Variants in APMAP observed in about 807,000 individuals in gnomAD.
APMAP encodes adipocyte plasma membrane associated protein.
Under a neutral mutation model 43.6 loss-of-function variants are expected in APMAP, and 33 were observed. That is an observed-to-expected ratio of 0.76 (90% confidence interval 0.57 to 1.01). APMAP has a LOEUF of 1.01. APMAP is among the 50% of genes least tolerant of loss of function. APMAP has a pLI of 0.00. For synonymous variants in APMAP, 224 were observed against 216.7 expected, an observed-to-expected ratio of 1.03 and a Z score of -0.30; for missense variants, 498 against 540.7, an observed-to-expected ratio of 0.92 and a Z score of 0.78.
In APMAP at chr20:24,978,839, T is replaced by C. The variant is rs577201722; in HGVS notation, c.256A>G (p.Thr86Ala). The change falls in exon 3 of 9, where the codon ACG becomes GCG. Residue 86 changes from threonine (T) to alanine (A), a missense_variant. Transcript: ENST00000217456. ...PLLLGVLHPN[T>A]KLRQAERLFE... is the part of the protein sequence containing the mutation. ...AGCCTTTCTGCCTGTCGCAGCTTCG[T>C]ATTTGGATGCAGAACACCAAGCAAG... 7 of 1,611,362 alleles carry C rather than the reference T, an allele frequency of 4.3e-6. 1 individual carries two copies. The African/African-American group carries it at 8.0e-5, about 18-fold the overall frequency.
At position 24,963,180 on chromosome 20, in the gene APMAP, A is replaced by C. The variant is rs1185939395; in HGVS notation, c.*633T>G. The C allele has an allele frequency of 6.5e-6, 1 of 152,752 alleles. No homozygotes were observed. Among genetic ancestry groups the C allele is most frequent in the African/African-American group, 2.4e-5 (1 of 41,440 alleles). The allele number at this position is 152,752 out of a possible 1,614,324, so 9.5% of individuals were successfully genotyped here. ...CAATTCCAGCATGGTCAGCACGGAG[A>C]TATTCACAGAAAGAAACCCAGCAAA... is the stretch of plus-strand genomic sequence containing the variant. On this transcript the variant is annotated 3_prime_UTR_variant, in exon 9 of 9. Coordinates refer to ENST00000217456, the MANE Select transcript of APMAP (RefSeq NM_020531.3).
intron 1 of APMAP, 67 bp from the exon 2 acceptor site, chr20:24,984,086 G>A (rs727964): frequency 0.094 from 124,366 of 1,322,286 alleles, 6,430 homozygotes; most frequent in Non-Finnish European, 0.1. Context: ...TGGCTGGTCC[G>A]AAAGCCCTCC....
rs748919078 is a variant in APMAP at position 24,970,339 on chromosome 20, G to C, written c.571C>G (p.Pro191Ala). 1 of 1,613,588 alleles carries C rather than the reference G, an allele frequency of 6.2e-7. No homozygotes were observed. Among genetic ancestry groups the C allele is most frequent in the South Asian group, 1.1e-5 (1 of 91,040 alleles). ...EVKLLLSSET[P>A]IEGKNMSFVN... ...AAGGACATGTTCTTCCCCTCAATGG[G>C]TGTCTCGGAGGACAGCAGCAGTTTC... Residue 191 changes from proline to alanine, a missense_variant, in exon 6 of 9, where the codon CCC (proline) becomes GCC (alanine). Transcript: ENST00000217456.
chr20:24,972,651 G>A, intron 4 of APMAP, among the ~76,000 whole-genome samples: 1 of 150,856 alleles, frequency 6.6e-6, no homozygotes, highest in Non-Finnish European at 1.5e-5. Flanking sequence ...CTCACTACAG[G>A]TGCTTTTGTG....
Position 24,963,559 on chromosome 20 carries a change from G to T in APMAP, c.*254C>A. Reference sequence around the variant, plus strand: ...ACTTAGAAAGTTTTGTTTTGTTTAAGAGAAAATGGCTTTACATGAATTTAT... The same window carrying T: ...ACTTAGAAAGTTTTGTTTTGTTTAATAGAAAATGGCTTTACATGAATTTAT... On this transcript the variant is annotated 3_prime_UTR_variant, in exon 9 of 9. Coordinates refer to ENST00000217456, the MANE Select transcript of APMAP (RefSeq NM_020531.3). The T allele has an allele frequency of 1.9e-6, 1 of 521,438 alleles. No homozygotes were observed. Among genetic ancestry groups the T allele is most frequent in the Non-Finnish European group, 3.4e-6 (1 of 290,314 alleles). 32.3% of individuals were successfully genotyped at this position (521,438 alleles called of 1,614,324 possible). A position where few individuals can be genotyped will look rare whatever the true frequency, so the allele number is the denominator to read the frequency against.
rs111800733 is a variant in APMAP, at chr20:24,978,679, C to T, written c.328+88G>A. The T allele has an allele frequency of 1.2e-3, 1,209 of 1,048,524 alleles. 18 individuals carry two copies. In the African/African-American group the frequency reaches 0.018, roughly 16 times the overall value. 65.0% of individuals were successfully genotyped at this position (1,048,524 alleles called of 1,614,324 possible). On this transcript the variant is annotated intron_variant, in intron 3 of 8. Transcript: ENST00000217456. ...GTGCAGGGCCCCAGTCCAGGGGCAG[C>T]GTGCCACTGCAGCTGCTCCCACAGA... is the stretch of plus-strand genomic sequence containing the variant.
chr20:24,992,727 A>G lies in APMAP; in HGVS notation c.-39T>C, dbSNP rs11087492. On this transcript the variant is annotated 5_prime_UTR_variant, in exon 1 of 9. Transcript: ENST00000217456. ...GCCTCACCCGCAGAAACCACCTCACACTGAGCGGCGCCGGCTCAGACTCCA... is the reference window on the plus strand; with the variant it reads ...GCCTCACCCGCAGAAACCACCTCACGCTGAGCGGCGCCGGCTCAGACTCCA... The G allele has an allele frequency of 0.096, 137,627 of 1,428,736 alleles. 7,137 individuals are homozygous for G. Among genetic ancestry groups the G allele is most frequent in the Non-Finnish European group, 0.1 (112,390 of 1,075,934 alleles). 88.5% of individuals were successfully genotyped at this position (1,428,736 alleles called of 1,614,324 possible).
chr20:24,967,453 A>G (rs1219116226), intron 8 of APMAP, among the ~76,000 whole-genome samples: 1 of 152,058 alleles, frequency 6.6e-6, no homozygotes, highest in Non-Finnish European at 1.5e-5. Flanking sequence ...CCCCCTCCCT[A>G]ACTGTGCCCT....
chr20:24,968,480 C>T (rs931846018), intron 8 of APMAP, among the ~76,000 whole-genome samples: 1 of 152,020 alleles, frequency 6.6e-6, no homozygotes, highest in Non-Finnish European at 1.5e-5. Context: ...GGGCACCTGC[C>T]GACTCTTTCC....
At position 24,971,451 on chromosome 20, in the gene APMAP, G is replaced by T. The variant is rs1043827881; in HGVS notation, c.538+9C>A. 2 of 1,600,920 alleles carry T rather than the reference G, an allele frequency of 1.2e-6. No individual in the cohort carries two copies. On this transcript the variant is annotated intron_variant, in intron 5 of 8. Coordinates refer to ENST00000217456, the MANE Select transcript of APMAP (RefSeq NM_020531.3). ...TCTTCATAGAAGGAAACGAGATATT[G>T]TCACATACGTTTCCAGGGATTTACT...
intron 3 of APMAP, among the ~76,000 whole-genome samples, chr20:24,974,855 G>A (rs1211183841): frequency 6.6e-6 from 1 of 152,178 alleles, no homozygotes; most frequent in Middle Eastern, 3.2e-3. Flanking sequence ...GGCAAAAACT[G>A]ATGAAACTGC....
intron 2 of APMAP, among the ~76,000 whole-genome samples, chr20:24,981,444 T>A (rs1285340412): frequency 6.6e-6 from 1 of 152,244 alleles, no homozygotes; most frequent in East Asian, 1.9e-4. Flanking sequence ...TAAGCACTTC[T>A]GAGAACCAGC....
chr20:24,979,669 C>CTA (rs1470959486), intron 2 of APMAP, among the ~76,000 whole-genome samples: 1 of 152,090 alleles, frequency 6.6e-6, no homozygotes, highest in East Asian at 1.9e-4. Context: ...CCCCTGTAGT[C>CTA]TATTCTCAAT....
chr20:24,965,425 C>T (rs1197349760), intron 8 of APMAP, among the ~76,000 whole-genome samples: 3 of 152,260 alleles, frequency 2.0e-5, no homozygotes. Flanking sequence ...CTAAACAACT[C>T]CATCAGGAGC....
chr20:24,969,419 G>A (rs2087978103), intron 7 of APMAP, 107 bp downstream of exon 7: 1 of 1,455,080 alleles, frequency 6.9e-7, no homozygotes, highest in African/African-American at 1.4e-5. Context: ...CATGCAGAAG[G>A]TGCGCTGCTG....
At chr20:24,967,703 A>T (rs573449527) in intron 8 of APMAP, among the ~76,000 whole-genome samples, 3 of 152,318 alleles carry the variant, frequency 2.0e-5, no homozygotes, top group Admixed American at 2.0e-4. Flanking sequence ...CACTTTACAG[A>T]CAGAGCACCT....
intron 2 of APMAP, among the ~76,000 whole-genome samples, chr20:24,982,602 G>A (rs1332812750): frequency 6.6e-6 from 1 of 152,116 alleles, no homozygotes; most frequent in Non-Finnish European, 1.5e-5. Flanking sequence ...AATCACTGAG[G>A]CTCCAACCTC....
intron 1 of APMAP, among the ~76,000 whole-genome samples, chr20:24,987,638 T>TA (rs1320895410): frequency 1.2e-4 from 18 of 147,688 alleles, no homozygotes; most frequent in Non-Finnish European, 1.4e-4. Context: ...TCACCTCAAC[T>TA]AAAAAAAAAA....
chr20:24,986,658 C>A (rs1280739257), intron 1 of APMAP, among the ~76,000 whole-genome samples: 2 of 152,140 alleles, frequency 1.3e-5, no homozygotes, highest in African/African-American at 4.8e-5. Context: ...GGCAAACAGT[C>A]CAAATGAGAG....
Sources: allele counts gnomAD v4.1 joint callset (sites outside exome capture counted in the v4.1 genomes callset), GRCh38; gene constraint gnomAD v4.1.1; transcripts MANE v1.5; gene names NCBI Gene and HGNC (gene_info 2026-07-23, HGNC 2026-07-21).